The following GNG2 variants were observed in gnomAD, a reference collection of about 807,000 sequenced individuals.
GNG2 encodes guanine nucleotide-binding protein G(I)/G(S)/G(O) subunit gamma-2.
In GNG2, 5 loss-of-function variants were observed where a neutral mutation model predicts 5.5. The ratio of observed to expected loss-of-function variants is 0.91; its 90% CI spans 0.48 to 1.92. The LOEUF is 1.92. GNG2 is among the 30% of genes most tolerant of loss of function. The pLI is 0.01. For missense variants in GNG2, 55 were observed against 88.4 expected, an observed-to-expected ratio of 0.62 and a Z score of 1.52; for synonymous variants, 28 against 32.0, an observed-to-expected ratio of 0.88 and a Z score of 0.42.
intron 2 of GNG2, among the ~76,000 whole-genome samples, chr14:51,829,371 C>G (rs1217166568): frequency 6.6e-6 from 1 of 152,182 alleles, no homozygotes; most frequent in Non-Finnish European, 1.5e-5. Context: ...TTTTCACTAT[C>G]TGTTACAAGG....
chr14:51,938,445 C>T (rs749398694), intron 2 of GNG2, among the ~76,000 whole-genome samples: 7 of 152,172 alleles, frequency 4.6e-5, no homozygotes, highest in Non-Finnish European at 1.0e-4. Context: ...TATAGCACTC[C>T]ATAATTAACA....
intron 1 of GNG2, among the ~76,000 whole-genome samples, chr14:51,865,610 C>T (rs1487149245): frequency 6.6e-6 from 1 of 151,918 alleles, no homozygotes; most frequent in Non-Finnish European, 1.5e-5. Context: ...TCATTAATTC[C>T]TCACCTCCCA....
intron 2 of GNG2, among the ~76,000 whole-genome samples, chr14:51,839,922 T>C (rs2153311): frequency 0.22 from 34,186 of 152,104 alleles, 4,543 homozygotes; most frequent in African/African-American, 0.36. Flanking sequence ...ACTCTAGGGG[T>C]AGATCTCCAA....
At chr14:51,894,962 A>C (rs1885092012) in intron 2 of GNG2, among the ~76,000 whole-genome samples, 1 of 152,108 alleles carries the variant, frequency 6.6e-6, no homozygotes, top group African/African-American at 2.4e-5. Context: ...CTCAGTATCC[A>C]AAAAACAAAG....
chr14:51,896,076 A>G (rs1272712201), intron 2 of GNG2, among the ~76,000 whole-genome samples: 1 of 152,148 alleles, frequency 6.6e-6, no homozygotes, highest in Non-Finnish European at 1.5e-5. Flanking sequence ...CACTAACCCT[A>G]AATAGTCAAT....
chr14:51,858,472 T>C (rs1396937850), upstream of GNG2, among the ~76,000 whole-genome samples: 1 of 152,198 alleles, frequency 6.6e-6, no homozygotes, highest in Non-Finnish European at 1.5e-5. Flanking sequence ...GGTTTTCCTA[T>C]ATAGGCTTAA....
chr14:51,903,249 A>G lies in GNG2; in HGVS notation c.-30+25592A>G, dbSNP rs372621083. The stretch of plus-strand genomic sequence containing the variant: ...TATATTTACCTCCAGTTTAATGTTA[A>G]TGAATCAACAATAGATATTAAATAA... On this transcript the variant is annotated intron_variant, in intron 2 of 3. Transcript: ENST00000556766. Among the ~76,000 whole-genome samples, 116 of 152,334 alleles carry G rather than the reference A, an allele frequency of 7.6e-4. 3 individuals carry two copies. In the South Asian group the frequency reaches 0.023, roughly 30 times the overall value.
chr14:51,856,438 T>C (rs968424689), upstream of GNG2, among the ~76,000 whole-genome samples: 3 of 152,210 alleles, frequency 2.0e-5, no homozygotes, highest in Non-Finnish European at 4.4e-5. Context: ...TTTTCTTTTT[T>C]GTTGTTGTTG....
At chr14:51,874,380 G>T (rs1184869354) in intron 1 of GNG2, among the ~76,000 whole-genome samples, 1 of 147,474 alleles carries the variant, frequency 6.8e-6, no homozygotes, top group Non-Finnish European at 1.5e-5. Flanking sequence ...AGCCAAGATT[G>T]TGCCACTGCA....
chr14:51,923,708 G>A (rs145572031), intron 2 of GNG2, among the ~76,000 whole-genome samples: 22 of 152,146 alleles, frequency 1.4e-4, no homozygotes, highest in African/African-American at 5.3e-4. Flanking sequence ...AGATTAATAT[G>A]GTAAAAGTTT....
chr14:51,885,517 G>A (rs1369276775), intron 2 of GNG2, among the ~76,000 whole-genome samples: 1 of 151,792 alleles, frequency 6.6e-6, no homozygotes, highest in African/African-American at 2.4e-5. Flanking sequence ...ATGAATACAA[G>A]GATAGAGCTT....
chr14:51,917,352 C>T (rs2140216392), intron 2 of GNG2: 1 of 455,568 alleles, frequency 2.2e-6, no homozygotes, highest in South Asian at 1.5e-5. Flanking sequence ...AAGTGTAAAG[C>T]ACAAGAAAAT....
intron 3 of GNG2, among the ~76,000 whole-genome samples, chr14:51,957,253 C>A (rs1594960319): frequency 6.6e-6 from 1 of 152,236 alleles, no homozygotes; most frequent in Admixed American, 6.5e-5. Flanking sequence ...ACATCATTTC[C>A]ATTATCATAC....
At chr14:51,857,025 T>C (rs1422196060), upstream of GNG2, among the ~76,000 whole-genome samples, 1 of 152,248 alleles carries the variant, frequency 6.6e-6, no homozygotes, top group African/African-American at 2.4e-5. Context: ...CTTTTCATTA[T>C]ACAAACATCT....
At chr14:51,842,816 C>T (rs757477112) in intron 2 of GNG2, among the ~76,000 whole-genome samples, 2 of 152,056 alleles carry the variant, frequency 1.3e-5, no homozygotes, top group Admixed American at 6.6e-5. Context: ...AGGCACACAC[C>T]ACCACACCCA....
At chr14:51,885,763 G>C (rs1249667960) in intron 2 of GNG2, among the ~76,000 whole-genome samples, 1 of 152,258 alleles carries the variant, frequency 6.6e-6, no homozygotes, top group East Asian at 1.9e-4. Context: ...TCTTAAAGCA[G>C]CTATTTTAGA....
intron 2 of GNG2, among the ~76,000 whole-genome samples, chr14:51,931,439 G>A (rs890858240): frequency 6.6e-6 from 1 of 152,164 alleles, no homozygotes; most frequent in Admixed American, 6.5e-5. Context: ...GGGTGAGTAG[G>A]CAGTGGATAT....
intron 2 of GNG2, among the ~76,000 whole-genome samples, chr14:51,904,545 A>G (rs1380190631): frequency 6.6e-6 from 1 of 152,108 alleles, no homozygotes; most frequent in African/African-American, 2.4e-5. Flanking sequence ...CAGCTAAGGC[A>G]GCTGCAGCAT....
chr14:51,931,295 T>A (rs981272987), intron 2 of GNG2, among the ~76,000 whole-genome samples: 3 of 152,114 alleles, frequency 2.0e-5, no homozygotes, highest in Non-Finnish European at 4.4e-5. Flanking sequence ...CTGTCAAAGT[T>A]TTTAATCTGA....
Sources: gnomAD v4.1 joint callset for allele counts (sites outside exome capture counted in the v4.1 genomes callset) on GRCh38, gnomAD v4.1.1 for gene constraint, MANE v1.5 for transcripts, NCBI Gene and HGNC (gene_info 2026-07-23, HGNC 2026-07-21) for gene names.